PDCD6IP: variants seen among roughly 807,000 people sequenced by gnomAD.
PDCD6IP encodes the protein programmed cell death 6-interacting protein.
In PDCD6IP, 43 loss-of-function variants were observed where a neutral mutation model predicts 103.7. The ratio of observed to expected loss-of-function variants is 0.41; its 90% CI spans 0.32 to 0.53. The LOEUF (loss-of-function observed/expected upper bound fraction) is 0.53, where lower values mean the gene tolerates loss of function less well. PDCD6IP is among the 20% of genes least tolerant of loss of function. The pLI is 0.16. For missense variants in PDCD6IP, 871 were observed against 1,036.7 expected (o/e 0.84, Z 2.20); for synonymous variants, 354 against 378.7 (o/e 0.93, Z 0.76).
At chr3:33,861,343 A>G (rs946705879) in intron 15 of PDCD6IP, among the ~76,000 whole-genome samples, 1 of 152,098 alleles carries the variant, frequency 6.6e-6, no homozygotes, top group Non-Finnish European at 1.5e-5. Flanking sequence ...GGGTTTCACC[A>G]TCTTGGCCAG....
At position 33,825,425 on chromosome 3, in the gene PDCD6IP, C is replaced by A; in HGVS notation, c.616+85C>A. 3 of 1,172,194 alleles carry A rather than the reference C, an allele frequency of 2.6e-6. No homozygotes were observed. The South Asian group carries it at 4.9e-5, about 19-fold the overall frequency. 72.6% of individuals were successfully genotyped at this position (1,172,194 alleles called of 1,614,324 possible). On this transcript the variant is annotated intron_variant, in intron 5 of 17. Coordinates refer to ENST00000307296, the MANE Select transcript of PDCD6IP (RefSeq NM_013374.6). ...GAAAGTGATTAGAATATAATATGTT[C>A]AATGTCGAGCTGTCCTTCTTGAACT...
intron 3 of PDCD6IP, among the ~76,000 whole-genome samples, chr3:33,818,818 A>G (rs1325541811): frequency 3.3e-5 from 5 of 152,054 alleles, no homozygotes; most frequent in Non-Finnish European, 4.4e-5. Flanking sequence ...CACCTGGCCA[A>G]TCCCTTGCCT....
At chr3:33,822,132 A>C (rs755715398) in intron 4 of PDCD6IP, 50 bp downstream of exon 4, 1 of 1,579,066 alleles carries the variant, frequency 6.3e-7, no homozygotes, top group South Asian at 1.1e-5. Flanking sequence ...AAATTGGATT[A>C]AGTGGAAAAT....
In PDCD6IP at chr3:33,868,381, A is replaced by G. The variant is rs1698112446; in HGVS notation, c.*1856A>G. On this transcript the variant is annotated 3_prime_UTR_variant, in exon 18 of 18. Transcript: ENST00000307296. ...AAAAGGGTAAGTGCATCTGAGGGCCAAAAGAGATGTATAAGCCTTTTAGCC... is the reference window on the plus strand; with the variant it reads ...AAAAGGGTAAGTGCATCTGAGGGCCGAAAGAGATGTATAAGCCTTTTAGCC... 6.6e-6 allele frequency: 1 copy of G among 152,316 alleles called. No homozygotes were observed. The highest frequency in any genetic ancestry group is 2.4e-5 in the African/African-American group (1 of 41,458). 9.4% of individuals were successfully genotyped at this position (152,316 alleles called of 1,614,324 possible). A position where few individuals can be genotyped will look rare whatever the true frequency, so the allele number is the denominator to read the frequency against.
intron 3 of PDCD6IP, among the ~76,000 whole-genome samples, chr3:33,813,832 A>G (rs965218508): frequency 6.6e-6 from 1 of 152,224 alleles, no homozygotes. Context: ...TAGTTATAAA[A>G]ATGAATAAAA....
At chr3:33,815,326 A>G (rs1056317928) in intron 3 of PDCD6IP, among the ~76,000 whole-genome samples, 11 of 152,102 alleles carry the variant, frequency 7.2e-5, no homozygotes, top group Non-Finnish European at 1.5e-4. Context: ...CTCTTATATA[A>G]TAATAGTGCA....
At chr3:33,861,187 CAGGCTGGAGTGCAGTGGCACG>C (rs1697944757) in intron 15 of PDCD6IP, among the ~76,000 whole-genome samples, 1 of 150,510 alleles carries the variant, frequency 6.6e-6, no homozygotes, top group South Asian at 2.1e-4. Context: ...CTCTGTCGCT[CAGGCTGGAGTGCAGTGGCACG>C]ATCTCGGCTC....
intron 3 of PDCD6IP, among the ~76,000 whole-genome samples, chr3:33,819,254 A>AT (rs1356893778): frequency 7.2e-5 from 11 of 152,102 alleles, no homozygotes; most frequent in Non-Finnish European, 1.6e-4. Flanking sequence ...TTTGAAAAAA[A>AT]TTTAACAATC....
intron 13 of PDCD6IP, among the ~76,000 whole-genome samples, chr3:33,853,540 A>T (rs1431912115): frequency 6.6e-6 from 1 of 152,246 alleles, no homozygotes; most frequent in Non-Finnish European, 1.5e-5. Context: ...GCAAAATTAA[A>T]CATATATTTC....
At chr3:33,824,058 C>T (rs1697055473) in intron 4 of PDCD6IP, among the ~76,000 whole-genome samples, 1 of 152,096 alleles carries the variant, frequency 6.6e-6, no homozygotes, top group Non-Finnish European at 1.5e-5. Flanking sequence ...CCTCCAGTTC[C>T]TTATCTGTAA....
intron 9 of PDCD6IP, among the ~76,000 whole-genome samples, chr3:33,840,260 C>G (rs182219344): frequency 6.6e-6 from 1 of 152,256 alleles, no homozygotes; most frequent in East Asian, 1.9e-4. Context: ...AATATATTTA[C>G]TATGATTAAA....
Position 33,852,625 on chromosome 3 carries a change from G to A in PDCD6IP, c.1779G>A (p.Val593=), listed in dbSNP as rs1312586796. 6.2e-7 allele frequency: 1 copy of A among 1,603,286 alleles called. No individual in the cohort carries two copies. The highest frequency in any genetic ancestry group is 8.5e-7 in the Non-Finnish European group (1 of 1,177,272). The change falls in exon 13 of 18, where the codon GTG becomes GTA. Residue 593 remains valine, a synonymous_variant. Coordinates refer to ENST00000307296, the MANE Select transcript of PDCD6IP (RefSeq NM_013374.6). The stretch of plus-strand genomic sequence containing the variant: ...TGACAGCCCTGGCTCAAGATGGTGT[G>A]ATAAATGAAGAAGCTCTTTCTGTTA... ...KFLTALAQDG[V]INEEALSVTE... is the part of the protein sequence containing the mutation.
chr3:33,838,097 A>G, intron 8 of PDCD6IP, 107 bp from the exon 9 acceptor site: 1 of 970,904 alleles, frequency 1.0e-6, no homozygotes, highest in Admixed American at 2.6e-5. Context: ...AATAGACAAT[A>G]AATATTTATA....
In PDCD6IP at chr3:33,844,143, C is replaced by T. The variant is rs1177402929; in HGVS notation, c.1391C>T (p.Thr464Ile). 4 of 1,607,726 alleles carry T rather than the reference C, an allele frequency of 2.5e-6. No homozygotes were observed. The East Asian group carries it at 6.7e-5, about 27-fold the overall frequency. The change falls in exon 11 of 18, where the codon ACC (threonine) becomes ATC (isoleucine). Residue 464 changes from threonine to isoleucine, a missense_variant. Around this residue, in one of 5 missense-constraint regions of PDCD6IP, gnomAD observed 266 missense variants for 390.5 expected, o/e 0.68. Transcript: ENST00000307296. ...AGGTTGTTGGATGAAGAAGAAGCAA[C>T]CGATAATGATTTAAGAGCAAAATTT... Reference protein sequence around the residue: ...SLRLLDEEEATDNDLRAKFKE... With the variant: ...SLRLLDEEEAIDNDLRAKFKE...
Position 33,868,631 on chromosome 3 carries a change from C to G in PDCD6IP, c.*2106C>G, listed in dbSNP as rs1328007225. Reference sequence around the variant, plus strand: ...TGGGCACAGACAATCACAATAAATGCAGCCCTTTATTACTGTTAAGGATCA... The same window carrying G: ...TGGGCACAGACAATCACAATAAATGGAGCCCTTTATTACTGTTAAGGATCA... On this transcript the variant is annotated 3_prime_UTR_variant, in exon 18 of 18. Transcript: ENST00000307296. 6.6e-6 allele frequency: 1 copy of G among 152,188 alleles called. No homozygotes were observed. Among genetic ancestry groups the G allele is most frequent in the Admixed American group, 6.5e-5 (1 of 15,290 alleles). 9.4% of individuals were successfully genotyped at this position (152,188 alleles called of 1,614,324 possible).
chr3:33,830,944 T>G (rs898897229), intron 7 of PDCD6IP, among the ~76,000 whole-genome samples: 19 of 152,128 alleles, frequency 1.2e-4, no homozygotes, highest in Non-Finnish European at 2.2e-4. Flanking sequence ...ACTTTCTAGT[T>G]ATGGCTACTA....
At chr3:33,832,909 GATGGAAAAC>G (rs1697272335) in intron 7 of PDCD6IP, among the ~76,000 whole-genome samples, 1 of 152,018 alleles carries the variant, frequency 6.6e-6, no homozygotes. Context: ...GTTTAACTAT[GATGGAAAAC>G]ATATATAAAA....
At chr3:33,803,782 T>A (rs1030859615) in intron 1 of PDCD6IP, among the ~76,000 whole-genome samples, 5 of 152,204 alleles carry the variant, frequency 3.3e-5, no homozygotes, top group Admixed American at 3.3e-4. Flanking sequence ...TTTTCTGCCC[T>A]TGTCATTCAT....
intron 7 of PDCD6IP, 103 bp from the exon 8 acceptor site, chr3:33,835,941 A>T: frequency 1.5e-6 from 1 of 687,710 alleles, no homozygotes; most frequent in Non-Finnish European, 2.4e-6. Context: ...TCTTCAGATT[A>T]AAGATTTTTT....
Sources: allele counts gnomAD v4.1 joint callset (sites outside exome capture counted in the v4.1 genomes callset), GRCh38; gene constraint gnomAD v4.1.1; regional missense constraint gnomAD v4.1.1; transcripts MANE v1.5; gene names NCBI Gene and HGNC (gene_info 2026-07-23, HGNC 2026-07-21).